IL1RAPL2: variants seen among roughly 807,000 people sequenced by gnomAD.
IL1RAPL2 encodes the protein X-linked interleukin-1 receptor accessory protein-like 2.
A neutral mutation model predicts 44.1 loss-of-function variants in IL1RAPL2; 3 were observed. The ratio of observed to expected loss-of-function variants is 0.07; its 90% CI spans 0.03 to 0.18. The LOEUF (loss-of-function observed/expected upper bound fraction) is 0.18, where lower values mean the gene tolerates loss of function less well. IL1RAPL2 is among the 10% of genes least tolerant of loss of function. The pLI is 1.00. For synonymous variants in IL1RAPL2, 181 were observed against 178.8 expected (o/e 1.01, Z -0.10); for missense variants, 391 against 496.4 (o/e 0.79, Z 2.02).
At chrX:104,918,701 A>C (rs997423909) in intron 2 of IL1RAPL2, among the ~76,000 whole-genome samples, 3 of 111,994 alleles carry the variant, frequency 2.7e-5, no homozygotes, top group Admixed American at 1.9e-4. Context: ...AGTAATTCTC[A>C]ATATGAAATA....
chrX:105,264,767 T>C (rs2034389104), intron 4 of IL1RAPL2, among the ~76,000 whole-genome samples: 1 of 111,946 alleles, frequency 8.9e-6, no homozygotes, highest in Non-Finnish European at 1.9e-5. Flanking sequence ...ATGACAGAAC[T>C]TGGGGGAGCC....
Position 105,767,658 on chromosome X carries a change from G to T in IL1RAPL2, c.2058G>T (p.Trp686Cys). The T allele has an allele frequency of 8.4e-7, 1 of 1,187,877 alleles. No individual in the cohort carries two copies. The change falls in exon 11 of 11, where the codon TGG becomes TGT. Residue 686 changes from tryptophan (W) to cysteine (C), a missense_variant. Physicochemically the swap from Trp to Cys is radical, Grantham distance 215. This residue lies in a region of IL1RAPL2 where 232 missense variants were observed against 244.8 expected (regional missense o/e 0.95). Transcript: ENST00000372582. Reference sequence around the variant, plus strand: ...AGCTTAGCTTTACCAGTGATATTTGGTAGTGAAAAATCTGAATTCCTCTGA... The same window carrying T: ...AGCTTAGCTTTACCAGTGATATTTGTTAGTGAAAAATCTGAATTCCTCTGA... ...SKELSFTSDI[W>C]
At chrX:105,220,096 T>C (rs2033938135) in intron 3 of IL1RAPL2, 1 of 1,211,592 alleles carries the variant, frequency 8.3e-7, no homozygotes, top group Non-Finnish European at 1.1e-6. Context: ...TGCGGCTGAT[T>C]TGTGCAGTTT....
chrX:105,542,737 TTA>T (rs1365298100), intron 6 of IL1RAPL2, among the ~76,000 whole-genome samples: 141 of 89,110 alleles, frequency 1.6e-3, no homozygotes, highest in East Asian at 7.7e-3. Context: ...ATTTAATTTA[TTA>T]TTTTTTTTTT....
intron 6 of IL1RAPL2, among the ~76,000 whole-genome samples, chrX:105,527,689 G>A (rs752143048): frequency 4.5e-5 from 5 of 110,747 alleles, no homozygotes; most frequent in African/African-American, 6.6e-5. Context: ...CTAAATACAT[G>A]GCAAATTGGT....
intron 2 of IL1RAPL2, among the ~76,000 whole-genome samples, chrX:104,912,158 C>CTTTGTTTTGTTTTGT (rs761208158): frequency 3.9e-5 from 4 of 103,042 alleles, no homozygotes; most frequent in African/African-American, 7.0e-5. Flanking sequence ...TCTTTTTTTC[C>CTTTGTTTTGTTTTGT]TTTGTTTTGT....
chrX:104,896,056 A>G (rs988207949), intron 2 of IL1RAPL2, among the ~76,000 whole-genome samples: 1 of 111,669 alleles, frequency 9.0e-6, no homozygotes, highest in Non-Finnish European at 1.9e-5. Flanking sequence ...CTGACCAGTC[A>G]GGGATGGTAC....
At chrX:104,688,199 C>T (rs1390641218) in intron 2 of IL1RAPL2, among the ~76,000 whole-genome samples, 2 of 111,995 alleles carry the variant, frequency 1.8e-5, no homozygotes, top group Non-Finnish European at 3.8e-5. Context: ...TATTCCTACT[C>T]GTCCTTTGTT....
intron 2 of IL1RAPL2, among the ~76,000 whole-genome samples, chrX:104,747,410 G>A (rs1401830956): frequency 9.0e-6 from 1 of 111,017 alleles, no homozygotes; most frequent in African/African-American, 3.3e-5. Flanking sequence ...GAACATATTT[G>A]CTTCTGGGAA....
At chrX:104,619,508 C>T (rs1929344603) in intron 1 of IL1RAPL2, among the ~76,000 whole-genome samples, 1 of 111,806 alleles carries the variant, frequency 8.9e-6, no homozygotes, top group Non-Finnish European at 1.9e-5. Flanking sequence ...GGCTGTTTGC[C>T]AGTGTTCTCC....
intron 2 of IL1RAPL2, among the ~76,000 whole-genome samples, chrX:105,011,732 T>C (rs2031051591): frequency 9.0e-6 from 1 of 111,377 alleles, no homozygotes; most frequent in Admixed American, 9.6e-5. Flanking sequence ...TGTGGGTTTG[T>C]TTCCATTTTT....
At chrX:105,337,420 G>A (rs2035036554) in intron 5 of IL1RAPL2, among the ~76,000 whole-genome samples, 1 of 111,911 alleles carries the variant, frequency 8.9e-6, no homozygotes, top group African/African-American at 3.3e-5. Context: ...TTTAAAGAGT[G>A]GATAGAGATT....
chrX:105,140,261 G>A (rs1338050114), intron 2 of IL1RAPL2, among the ~76,000 whole-genome samples: 1 of 112,229 alleles, frequency 8.9e-6, no homozygotes, highest in Non-Finnish European at 1.9e-5. Context: ...CACCTAAGGT[G>A]GCTGTGTAAC....
intron 5 of IL1RAPL2, among the ~76,000 whole-genome samples, chrX:105,355,008 C>T (rs1321623322): frequency 1.8e-5 from 2 of 111,734 alleles, no homozygotes; most frequent in East Asian, 5.7e-4. Flanking sequence ...TCACAAAGCC[C>T]TGTCATCTTT....
chrX:105,415,069 AT>A (rs1410022121), intron 5 of IL1RAPL2, among the ~76,000 whole-genome samples: 1 of 112,099 alleles, frequency 8.9e-6, no homozygotes, highest in South Asian at 3.7e-4. Flanking sequence ...TTTTTAATAG[AT>A]TTTTTTCCAG....
At chrX:105,590,617 A>G (rs1433267320) in intron 6 of IL1RAPL2, among the ~76,000 whole-genome samples, 1 of 111,378 alleles carries the variant, frequency 9.0e-6, no homozygotes, top group East Asian at 2.8e-4. Context: ...TGAGATGACC[A>G]TGTGGTTTTT....
At chrX:105,142,905 G>T (rs967557019) in intron 2 of IL1RAPL2, among the ~76,000 whole-genome samples, 4 of 110,071 alleles carry the variant, frequency 3.6e-5, no homozygotes, top group Non-Finnish European at 7.6e-5. Flanking sequence ...GCGATAGTTT[G>T]CTGAGAATGA....
intron 2 of IL1RAPL2, among the ~76,000 whole-genome samples, chrX:104,957,832 G>A (rs1162310166): frequency 3.6e-5 from 4 of 111,217 alleles, no homozygotes; most frequent in Admixed American, 9.6e-5. Context: ...CCTATAATTC[G>A]AGCACTTTGG....
At chrX:105,339,396 T>C (rs2035053734) in intron 5 of IL1RAPL2, among the ~76,000 whole-genome samples, 1 of 111,806 alleles carries the variant, frequency 8.9e-6, no homozygotes, top group South Asian at 3.7e-4. Flanking sequence ...TCAGCAGATA[T>C]ATTTTCAGAA....
Sources: gnomAD v4.1 joint callset for allele counts (sites outside exome capture counted in the v4.1 genomes callset) on GRCh38, gnomAD v4.1.1 for gene constraint, gnomAD v4.1.1 regional missense constraint, MANE v1.5 for transcripts, NCBI Gene and HGNC (gene_info 2026-07-23, HGNC 2026-07-21) for gene names.